DGKB: variants seen among roughly 807,000 people sequenced by gnomAD.
The protein encoded by DGKB is diacylglycerol kinase beta.
Under a neutral mutation model 114.3 loss-of-function variants are expected in DGKB, and 67 were observed. The observed-to-expected ratio is 0.59, with a 90% CI of 0.48 to 0.72. DGKB has a LOEUF of 0.72. Among genes scored for constraint, DGKB ranks in the 30% least tolerant of loss-of-function variants. The pLI is 0.00. For synonymous variants in DGKB, 398 were observed against 323.1 expected (o/e 1.23, Z -2.49); for missense variants, 907 against 975.2 (o/e 0.93, Z 0.93).
intron 20 of DGKB, among the ~76,000 whole-genome samples, chr7:14,541,132 C>G (rs1373398694): frequency 6.6e-6 from 1 of 151,322 alleles, no homozygotes; most frequent in Non-Finnish European, 1.5e-5. Context: ...TAGACACATT[C>G]ATATGACAAG....
rs544376567 is a variant in DGKB at position 14,161,173 on chromosome 7, G to T, written c.2305-11935C>A. ...AAAAGTCAGGAAACAACAGATGCTG[G>T]AGAGGATATGGAGAAATAGGAACAC... On this transcript the variant is annotated intron_variant, in intron 25 of 25. Transcript: ENST00000402815. Among the ~76,000 whole-genome samples, 3 of 152,326 alleles carry T rather than the reference G, an allele frequency of 2.0e-5. No individual in the cohort carries two copies. In the East Asian group the frequency reaches 5.8e-4, roughly 29 times the overall value.
At chr7:14,836,136 C>A (rs1847127052) in intron 2 of DGKB, among the ~76,000 whole-genome samples, 1 of 152,116 alleles carries the variant, frequency 6.6e-6, no homozygotes, top group Admixed American at 6.6e-5. Context: ...GCTGGGATTC[C>A]ACACCGTCAA....
chr7:14,493,925 T>TTCAAAC (rs1554472969), intron 20 of DGKB, among the ~76,000 whole-genome samples: 1 of 137,630 alleles, frequency 7.3e-6, no homozygotes. Flanking sequence ...CATGGTATCA[T>TTCAAAC]ACACACACAC....
chr7:14,159,376 A>G (rs10240059), intron 25 of DGKB, among the ~76,000 whole-genome samples: 138,043 of 152,142 alleles, frequency 0.91, 62,806 homozygotes, highest in East Asian at 1. Flanking sequence ...CTTCTACAAC[A>G]AGATCAAACA....
At chr7:14,512,240 T>C (rs190092776) in intron 20 of DGKB, among the ~76,000 whole-genome samples, 12 of 152,288 alleles carry the variant, frequency 7.9e-5, no homozygotes, top group Admixed American at 6.5e-4. Context: ...CATACTTATG[T>C]TTGCAAAACA....
intron 17 of DGKB, among the ~76,000 whole-genome samples, chr7:14,586,003 T>A (rs1563595040): frequency 6.6e-6 from 1 of 152,074 alleles, no homozygotes; most frequent in Non-Finnish European, 1.5e-5. Context: ...GTATTGAAAT[T>A]AGGGAAATTA....
chr7:14,244,122 G>A (rs1794079009), intron 23 of DGKB, among the ~76,000 whole-genome samples: 1 of 152,088 alleles, frequency 6.6e-6, no homozygotes, highest in Non-Finnish European at 1.5e-5. Flanking sequence ...GGCGGCTTCT[G>A]ACAGAGTGAT....
At chr7:14,615,258 G>A (rs779523699) in intron 15 of DGKB, among the ~76,000 whole-genome samples, 5 of 151,874 alleles carry the variant, frequency 3.3e-5, no homozygotes, top group Non-Finnish European at 5.9e-5. Context: ...TCATTAGGAT[G>A]AGTTTTCCTT....
intron 1 of DGKB, among the ~76,000 whole-genome samples, chr7:14,908,671 G>T (rs1230379216): frequency 1.3e-5 from 2 of 152,012 alleles, no homozygotes; most frequent in Non-Finnish European, 2.9e-5. Context: ...TCTTATATGT[G>T]ACTTAACCTT....
intron 1 of DGKB, among the ~76,000 whole-genome samples, chr7:14,920,432 A>G (rs1260877817): frequency 6.6e-6 from 1 of 152,230 alleles, no homozygotes; most frequent in African/African-American, 2.4e-5. Flanking sequence ...ACTGCAAATT[A>G]TAAGAACAAT....
In DGKB at chr7:14,525,648, C is replaced by A. The variant is rs530966826; in HGVS notation, c.1771-47423G>T. Among the ~76,000 whole-genome samples, 55 of 152,008 alleles carry A rather than the reference C, an allele frequency of 3.6e-4. No individual in the cohort carries two copies. The Middle Eastern group carries it at 0.014, about 38-fold the overall frequency. On this transcript the variant is annotated intron_variant, in intron 20 of 25. Transcript: ENST00000402815. ...TTGACAGTAGTCAAGATATGATGATCCAGTTACTGACAATTAAATACTTGA... is the reference window on the plus strand; with the variant it reads ...TTGACAGTAGTCAAGATATGATGATACAGTTACTGACAATTAAATACTTGA...
At chr7:14,930,785 G>A (rs1479157659) in intron 1 of DGKB, among the ~76,000 whole-genome samples, 1 of 152,084 alleles carries the variant, frequency 6.6e-6, no homozygotes, top group Non-Finnish European at 1.5e-5. Flanking sequence ...ACTTGTTCCA[G>A]TTCTTAGAGG....
At chr7:14,630,123 T>C (rs1563729341) in intron 14 of DGKB, 113 bp downstream of exon 14, 1 of 586,314 alleles carries the variant, frequency 1.7e-6, no homozygotes. Flanking sequence ...AAATAAAATA[T>C]AACATGCTGG....
At chr7:14,208,564 G>T (rs2128300201) in intron 23 of DGKB, among the ~76,000 whole-genome samples, 1 of 151,968 alleles carries the variant, frequency 6.6e-6, no homozygotes, top group Non-Finnish European at 1.5e-5. Context: ...TTTCTTCTGT[G>T]TTATGCATTG....
intron 2 of DGKB, among the ~76,000 whole-genome samples, chr7:14,797,952 G>T (rs1841632499): frequency 6.6e-6 from 1 of 152,126 alleles, no homozygotes; most frequent in East Asian, 1.9e-4. Context: ...AAGGCAGAGT[G>T]GAATTTTATT....
rs17168012 is a variant in DGKB, at chr7:14,244,959, T to C, written c.2123-66808A>G. 3.9e-3 allele frequency among the ~76,000 whole-genome samples: 600 copies of C among 152,244 alleles called. 4 individuals are homozygous for C. The highest frequency in any genetic ancestry group is 0.013 in the East Asian group (67 of 5,174). ...TAACAGCCCAAATAGACTAAGACAG[T>C]AATGAAGTTCAGGCAACTCTTCTTA... is the stretch of plus-strand genomic sequence containing the variant. On this transcript the variant is annotated intron_variant, in intron 23 of 25. Transcript: ENST00000402815.
At chr7:14,499,082 A>G (rs1238973087) in intron 20 of DGKB, among the ~76,000 whole-genome samples, 1 of 151,814 alleles carries the variant, frequency 6.6e-6, no homozygotes, top group East Asian at 1.9e-4. Flanking sequence ...GCATCATTCT[A>G]AAAAGATAAC....
intron 1 of DGKB, among the ~76,000 whole-genome samples, chr7:14,860,178 C>G (rs1192338306): frequency 6.6e-6 from 1 of 152,008 alleles, no homozygotes; most frequent in Non-Finnish European, 1.5e-5. Context: ...CTAAAAAGGA[C>G]AGCATAATAT....
chr7:14,518,067 C>G (rs1042595977), intron 20 of DGKB, among the ~76,000 whole-genome samples: 1 of 152,018 alleles, frequency 6.6e-6, no homozygotes, highest in African/African-American at 2.4e-5. Context: ...AACCTAAATG[C>G]CTATCAGTGG....
Sources: gnomAD v4.1 joint callset for allele counts (sites outside exome capture counted in the v4.1 genomes callset) on GRCh38, gnomAD v4.1.1 for gene constraint, MANE v1.5 for transcripts, NCBI Gene and HGNC (gene_info 2026-07-23, HGNC 2026-07-21) for gene names.